Variants in GALNT10 observed in about 807,000 individuals in gnomAD.
GALNT10 encodes polypeptide N-acetylgalactosaminyltransferase 10, also known as GalNAc transferase 10.
In GALNT10, 41 loss-of-function variants were observed where a neutral mutation model predicts 75.0. The ratio of observed to expected loss-of-function variants is 0.55; its 90% CI spans 0.43 to 0.71. The LOEUF (loss-of-function observed/expected upper bound fraction) is 0.71, where lower values mean the gene tolerates loss of function less well. Among genes scored for constraint, GALNT10 ranks in the 30% least tolerant of loss-of-function variants. GALNT10 has a pLI of 0.00. For missense variants in GALNT10, 727 were observed against 818.5 expected, an observed-to-expected ratio of 0.89 and a Z score of 1.36; for synonymous variants, 302 against 313.0, an observed-to-expected ratio of 0.96 and a Z score of 0.37.
chr5:154,322,814 C>T (rs1421358601), intron 3 of GALNT10, among the ~76,000 whole-genome samples: 1 of 152,192 alleles, frequency 6.6e-6, no homozygotes, highest in African/African-American at 2.4e-5. Flanking sequence ...AAGAGCATTT[C>T]CTGCAAGAGA....
chr5:154,287,832 G>C (rs1429922615), intron 1 of GALNT10, among the ~76,000 whole-genome samples: 4 of 151,884 alleles, frequency 2.6e-5, no homozygotes, highest in African/African-American at 4.8e-5. Flanking sequence ...TATATGCTTT[G>C]AGCTAAATTA....
At chr5:154,405,719 G>C (rs1244891153) in intron 8 of GALNT10, among the ~76,000 whole-genome samples, 4 of 152,080 alleles carry the variant, frequency 2.6e-5, no homozygotes, top group African/African-American at 9.7e-5. Context: ...AGTGGTGTGT[G>C]CCTGTAGTCC....
chr5:154,337,250 A>G (rs1427252213), intron 4 of GALNT10, among the ~76,000 whole-genome samples: 1 of 152,278 alleles, frequency 6.6e-6, no homozygotes, highest in Non-Finnish European at 1.5e-5. Flanking sequence ...TCCACAGAAC[A>G]GGGACTAAAG....
intron 4 of GALNT10, among the ~76,000 whole-genome samples, chr5:154,332,027 C>T (rs1754874353): frequency 6.6e-6 from 1 of 152,126 alleles, no homozygotes. Context: ...GGATTCAGCA[C>T]CCAGACCCTG....
At chr5:154,345,038 A>C (rs1755099648) in intron 4 of GALNT10, among the ~76,000 whole-genome samples, 1 of 152,226 alleles carries the variant, frequency 6.6e-6, no homozygotes, top group South Asian at 2.1e-4. Flanking sequence ...CCACGTGCTC[A>C]GAAGGCAAAT....
chr5:154,242,762 C>T (rs1226302056), intron 1 of GALNT10, among the ~76,000 whole-genome samples: 1 of 152,160 alleles, frequency 6.6e-6, no homozygotes, highest in Non-Finnish European at 1.5e-5. Flanking sequence ...TAGCTCCTAC[C>T]CTCAACCCAG....
chr5:154,314,732 G>T (rs572106326), intron 3 of GALNT10, among the ~76,000 whole-genome samples: 1 of 151,606 alleles, frequency 6.6e-6, no homozygotes, highest in East Asian at 2.0e-4. Context: ...GTTGGATTTG[G>T]TTACCATGTG....
chr5:154,385,973 A>G (rs1363949412), intron 6 of GALNT10, among the ~76,000 whole-genome samples: 6 of 152,190 alleles, frequency 3.9e-5, no homozygotes, highest in Non-Finnish European at 8.8e-5. Context: ...CCCAACTTGG[A>G]CCATTTAACT....
At chr5:154,291,198 G>A (rs1375983454) in intron 1 of GALNT10, among the ~76,000 whole-genome samples, 1 of 152,128 alleles carries the variant, frequency 6.6e-6, no homozygotes, top group Non-Finnish European at 1.5e-5. Context: ...TTACTTCTGT[G>A]AGGTCAAAAC....
intron 1 of GALNT10, among the ~76,000 whole-genome samples, chr5:154,231,221 GGA>G (rs1753145504): frequency 1.3e-5 from 2 of 152,174 alleles, no homozygotes; most frequent in African/African-American, 4.8e-5. Flanking sequence ...GATCCTGAGT[GGA>G]CATCTTTCCA....
At chr5:154,289,231 C>T (rs910586811) in intron 1 of GALNT10, among the ~76,000 whole-genome samples, 3 of 152,170 alleles carry the variant, frequency 2.0e-5, no homozygotes, top group East Asian at 1.9e-4. Context: ...CACTTTGTCC[C>T]GGATTAGCTC....
chr5:154,385,803 C>A (rs1755799182), intron 6 of GALNT10, among the ~76,000 whole-genome samples: 3 of 152,218 alleles, frequency 2.0e-5, no homozygotes, highest in African/African-American at 4.8e-5. Flanking sequence ...CCATGCTGGC[C>A]TACTGAGTAA....
chr5:154,272,089 CT>C (rs770383834), intron 1 of GALNT10, among the ~76,000 whole-genome samples: 26 of 152,138 alleles, frequency 1.7e-4, no homozygotes, highest in Non-Finnish European at 3.5e-4. Flanking sequence ...GAATGAGCCT[CT>C]TCTGTCCCAC....
chr5:154,207,376 G>A (rs527390429), intron 1 of GALNT10, among the ~76,000 whole-genome samples: 4 of 152,288 alleles, frequency 2.6e-5, no homozygotes, highest in African/African-American at 9.6e-5. Flanking sequence ...GGAGGTTGCA[G>A]GTTCATCAGG....
chr5:154,283,921 C>T (rs567272412), intron 1 of GALNT10, among the ~76,000 whole-genome samples: 20 of 152,278 alleles, frequency 1.3e-4, no homozygotes, highest in Admixed American at 2.6e-4. Flanking sequence ...GATGGGTAAG[C>T]GCTGCTTGGA....
At position 154,411,991 on chromosome 5, in the gene GALNT10, A is replaced by G. The variant is rs146934577; in HGVS notation, c.1387-898A>G. ...TGGCCAGGTTGATGAAGAGTCCCCAAGCCAAATCACCAGCCAGAGGAGTTC... is the reference window on the plus strand; with the variant it reads ...TGGCCAGGTTGATGAAGAGTCCCCAGGCCAAATCACCAGCCAGAGGAGTTC... On this transcript the variant is annotated intron_variant, in intron 9 of 11. Coordinates refer to ENST00000297107, the MANE Select transcript of GALNT10 (RefSeq NM_198321.4). Among the ~76,000 whole-genome samples the G allele has an allele frequency of 3.7e-3, 556 of 152,310 alleles. 4 individuals carry two copies. Among genetic ancestry groups the G allele is most frequent in the African/African-American group, 0.013 (525 of 41,564 alleles).
At chr5:154,342,364 C>G (rs540975200) in intron 4 of GALNT10, among the ~76,000 whole-genome samples, 2 of 152,110 alleles carry the variant, frequency 1.3e-5, no homozygotes, top group East Asian at 3.9e-4. Flanking sequence ...CCTGCGGTCT[C>G]CAGGTCATCT....
intron 1 of GALNT10, among the ~76,000 whole-genome samples, chr5:154,246,697 T>A (rs933235810): frequency 2.0e-5 from 3 of 152,246 alleles, no homozygotes; most frequent in African/African-American, 7.2e-5. Flanking sequence ...TCATTGTAGA[T>A]TCTGGATATT....
At chr5:154,406,072 T>C (rs13174523) in intron 8 of GALNT10, 44,996 of 151,804 alleles carry the variant, frequency 0.3, 7,923 homozygotes, top group Non-Finnish European at 0.4. Flanking sequence ...ATTTTAGGGA[T>C]GGGGAACATG....
Sources: allele counts gnomAD v4.1 joint callset (sites outside exome capture counted in the v4.1 genomes callset), GRCh38; gene constraint gnomAD v4.1.1; transcripts MANE v1.5; gene names NCBI Gene and HGNC (gene_info 2026-07-23, HGNC 2026-07-21).